Variants in SERTM1 observed in about 807,000 individuals in gnomAD.
SERTM1 encodes serine rich and transmembrane domain containing 1.
Under a neutral mutation model 5.5 loss-of-function variants are expected in SERTM1, and 1 was observed. The observed-to-expected ratio is 0.18, with a 90% CI of 0.06 to 0.86. The LOEUF (loss-of-function observed/expected upper bound fraction) is 0.86, where lower values mean the gene tolerates loss of function less well. Among genes scored for constraint, SERTM1 ranks in the 40% least tolerant of loss-of-function variants. The probability of loss-of-function intolerance (pLI) is 0.69; values close to 1 mark genes in which losing one functional copy is unlikely to be tolerated. For synonymous variants in SERTM1, 52 were observed against 55.1 expected, an observed-to-expected ratio of 0.94 and a Z score of 0.25; for missense variants, 91 against 122.4, an observed-to-expected ratio of 0.74 and a Z score of 1.21.
chr13:36,685,236 A>T (rs1278287471), intron 1 of SERTM1, among the ~76,000 whole-genome samples: 1 of 152,188 alleles, frequency 6.6e-6, no homozygotes, highest in Non-Finnish European at 1.5e-5. Context: ...AGAAACAGAG[A>T]GCATTGGCAG....
chr13:36,680,009 G>A (rs1337953026), intron 1 of SERTM1, among the ~76,000 whole-genome samples: 1 of 152,056 alleles, frequency 6.6e-6, no homozygotes, highest in East Asian at 1.9e-4. Context: ...AAACATAAAT[G>A]AATTTTGTGT....
At chr13:36,693,929 C>A (rs1850708917) in intron 1 of SERTM1, among the ~76,000 whole-genome samples, 1 of 152,130 alleles carries the variant, frequency 6.6e-6, no homozygotes, top group African/African-American at 2.4e-5. Context: ...CAGTGAAGAG[C>A]TTTTCTTTGC....
At chr13:36,690,466 GATTTAC>G (rs1168775452) in intron 1 of SERTM1, among the ~76,000 whole-genome samples, 2 of 152,210 alleles carry the variant, frequency 1.3e-5, no homozygotes, top group African/African-American at 4.8e-5. Flanking sequence ...TGCAAGTGAA[GATTTAC>G]ATTTAGAGAA....
chr13:36,683,337 A>G (rs1340595824), intron 1 of SERTM1, among the ~76,000 whole-genome samples: 1 of 152,212 alleles, frequency 6.6e-6, no homozygotes, highest in Non-Finnish European at 1.5e-5. Flanking sequence ...ACCAGTGCCA[A>G]AATAGAGTTT....
chr13:36,676,143 A>C (rs1175045664), intron 1 of SERTM1, among the ~76,000 whole-genome samples: 1 of 152,152 alleles, frequency 6.6e-6, no homozygotes, highest in Non-Finnish European at 1.5e-5. Context: ...GTTTATTTGC[A>C]GGTTTCCTGG....
intron 1 of SERTM1, among the ~76,000 whole-genome samples, chr13:36,683,317 C>T (rs941882650): frequency 1.3e-5 from 2 of 152,168 alleles, no homozygotes; most frequent in African/African-American, 4.8e-5. Flanking sequence ...CCTTGAAAAC[C>T]TTCTTTCTCA....
chr13:36,688,222 T>A (rs2056755058), intron 1 of SERTM1, among the ~76,000 whole-genome samples: 1 of 151,794 alleles, frequency 6.6e-6, no homozygotes, highest in Non-Finnish European at 1.5e-5. Flanking sequence ...TTCATGTATT[T>A]TTTTTTTTTT....
At chr13:36,676,740 A>T (rs1246941108) in intron 1 of SERTM1, among the ~76,000 whole-genome samples, 1 of 152,194 alleles carries the variant, frequency 6.6e-6, no homozygotes, top group Non-Finnish European at 1.5e-5. Context: ...TTATATTAGT[A>T]TATTAATACA....
chr13:36,696,360 A>C lies in SERTM1; in HGVS notation c.*958A>C, dbSNP rs2056813756. 1 of 165,944 alleles carries C rather than the reference A, an allele frequency of 6.0e-6. No individual in the cohort carries two copies. The highest frequency in any genetic ancestry group is 1.5e-5 in the Non-Finnish European group (1 of 68,112). 10.3% of individuals were successfully genotyped at this position (165,944 alleles called of 1,614,324 possible). On this transcript the variant is annotated 3_prime_UTR_variant, in exon 2 of 2. Transcript: ENST00000315190. ...TTATATTAAGCCTCCAAGATGTCTG[A>C]TATTTGTTCACTCACATTAGGTTGT...
At chr13:36,691,116 G>T (rs1427109575) in intron 1 of SERTM1, among the ~76,000 whole-genome samples, 2 of 152,226 alleles carry the variant, frequency 1.3e-5, no homozygotes, top group African/African-American at 4.8e-5. Flanking sequence ...TGTCATAGAA[G>T]TCAAGGATGT....
At chr13:36,685,621 C>T (rs765562730) in intron 1 of SERTM1, among the ~76,000 whole-genome samples, 13 of 152,054 alleles carry the variant, frequency 8.5e-5, no homozygotes, top group Non-Finnish European at 1.3e-4. Flanking sequence ...GTTCATTGGC[C>T]CCTATGACAA....
intron 1 of SERTM1, among the ~76,000 whole-genome samples, chr13:36,692,389 A>G (rs569048872): frequency 2.6e-5 from 4 of 152,372 alleles, no homozygotes; most frequent in Admixed American, 2.6e-4. Context: ...TGTAAGCTTT[A>G]CCAACTGAAT....
chr13:36,691,028 T>C (rs1221950341), intron 1 of SERTM1, among the ~76,000 whole-genome samples: 3 of 152,236 alleles, frequency 2.0e-5, no homozygotes, highest in Non-Finnish European at 4.4e-5. Context: ...AGAAATGTAT[T>C]TGAATAAAGG....
In SERTM1 at chr13:36,694,922, A is replaced by C; in HGVS notation, c.-157A>C. The C allele has an allele frequency of 1.7e-6, 1 of 601,590 alleles. No homozygotes were observed. Among genetic ancestry groups the C allele is most frequent in the South Asian group, 2.1e-5 (1 of 47,246 alleles). 37.3% of individuals were successfully genotyped at this position (601,590 alleles called of 1,614,324 possible). On this transcript the variant is annotated 5_prime_UTR_variant, in exon 2 of 2. An upstream open reading frame in the 5' UTR loses its in-frame stop. Coordinates refer to ENST00000315190, the MANE Select transcript of SERTM1 (RefSeq NM_203451.3). The stretch of plus-strand genomic sequence containing the variant: ...TTTTTTCAGTCTCAATGCACATCTG[A>C]TACCTGCTGCCTTTGAGAAACAAGT...
Position 36,692,801 on chromosome 13 carries a change from C to T in SERTM1, c.-173-2105C>T, listed in dbSNP as rs116159013. Among the ~76,000 whole-genome samples the T allele has an allele frequency of 4.4e-3, 674 of 152,320 alleles. 2 individuals are homozygous for T. The highest frequency in any genetic ancestry group is 0.016 in the African/African-American group (647 of 41,566). On this transcript the variant is annotated intron_variant, in intron 1 of 1. Transcript: ENST00000315190. ...AAGCATAATTTTTCTTTTCTTACCA[C>T]AGTTGAGAAAACCAAGAACACAGTT...
intron 1 of SERTM1, among the ~76,000 whole-genome samples, chr13:36,688,039 T>C (rs957195161): frequency 2.6e-5 from 4 of 152,126 alleles, no homozygotes; most frequent in African/African-American, 9.7e-5. Context: ...ACAAAATCTT[T>C]CCAAATATCA....
chr13:36,689,192 A>G (rs928603366), intron 1 of SERTM1, among the ~76,000 whole-genome samples: 33 of 152,154 alleles, frequency 2.2e-4, no homozygotes, highest in Admixed American at 2.0e-3. Flanking sequence ...GGATGTAAAC[A>G]TACTAAAAAA....
intron 1 of SERTM1, among the ~76,000 whole-genome samples, chr13:36,677,374 AT>A (rs2056677022): frequency 6.6e-6 from 1 of 152,112 alleles, no homozygotes; most frequent in Non-Finnish European, 1.5e-5. Flanking sequence ...CATCACTAAT[AT>A]TTTCTGAGTT....
chr13:36,688,666 TGGG>T (rs955535853), intron 1 of SERTM1, among the ~76,000 whole-genome samples: 1 of 152,202 alleles, frequency 6.6e-6, no homozygotes, highest in Non-Finnish European at 1.5e-5. Flanking sequence ...CAGAGCAGGA[TGGG>T]GGGAAAGAAT....
Sources: gnomAD v4.1 joint callset for allele counts (sites outside exome capture counted in the v4.1 genomes callset) on GRCh38, gnomAD v4.1.1 for gene constraint, MANE v1.5 for transcripts, NCBI Gene and HGNC (gene_info 2026-07-23, HGNC 2026-07-21) for gene names.